LPAR1: variants seen among roughly 807,000 people sequenced by gnomAD.
LPAR1 encodes LPA receptor 1.
A neutral mutation model predicts 23.8 loss-of-function variants in LPAR1; 5 were observed. That is an observed-to-expected ratio of 0.21 (90% CI 0.11 to 0.44). The LOEUF is 0.44. LPAR1 is among the 20% of genes least tolerant of loss of function. LPAR1 has a pLI of 0.99. For missense variants in LPAR1, 311 were observed against 482.8 expected (o/e 0.64, Z 3.33); for synonymous variants, 160 against 164.7 (o/e 0.97, Z 0.22).
chr9:110,945,020 A>G (rs916779058), intron 4 of LPAR1, among the ~76,000 whole-genome samples: 1 of 152,240 alleles, frequency 6.6e-6, no homozygotes, highest in African/African-American at 2.4e-5. Flanking sequence ...TTGGGAGGGT[A>G]TAATATGCCT....
intron 4 of LPAR1, among the ~76,000 whole-genome samples, chr9:110,954,523 C>A (rs1027535311): frequency 6.6e-6 from 1 of 151,968 alleles, no homozygotes; most frequent in Non-Finnish European, 1.5e-5. Context: ...ACATAATAAT[C>A]AAACTATCAA....
chr9:110,937,912 A>G (rs746543184), intron 5 of LPAR1, among the ~76,000 whole-genome samples: 1 of 152,236 alleles, frequency 6.6e-6, no homozygotes, highest in African/African-American at 2.4e-5. Context: ...CATTGTAGCC[A>G]GGAGTTTTCC....
At position 110,942,204 on chromosome 9, in the gene LPAR1, G is replaced by T. The variant is rs147950032; in HGVS notation, c.46-36C>A. The T allele has an allele frequency of 1.0e-4, 161 of 1,559,894 alleles. 1 individual carries two copies. The African/African-American group carries it at 1.2e-3, about 11-fold the overall frequency. On this transcript the variant is annotated intron_variant, in intron 4 of 5. Coordinates refer to ENST00000683809, the MANE Select transcript of LPAR1 (RefSeq NM_001351411.2). ...AAGGAGAAAAGATGATGAAAAAGAA[G>T]GCACAGGTCCAAATTTAAAGCTTAT...
Position 111,022,870 on chromosome 9 carries a change from A to G in LPAR1, c.-182+13252T>C, listed in dbSNP as rs551412485. Among the ~76,000 whole-genome samples, 138 of 151,806 alleles carry G rather than the reference A, an allele frequency of 9.1e-4. 4 individuals carry two copies. The highest frequency in any genetic ancestry group is 7.2e-4 in the African/African-American group (30 of 41,446). On this transcript the variant is annotated intron_variant, in intron 2 of 5. Transcript: ENST00000683809. ...TCGAGACCATCCTGGCTAACACGGT[A>G]AAACCCTGTCTCTACTAAAAATGCA... is the stretch of plus-strand genomic sequence containing the variant.
chr9:110,977,806 AGG>A (rs2096583494), intron 2 of LPAR1, among the ~76,000 whole-genome samples: 2 of 78,540 alleles, frequency 2.5e-5, no homozygotes, highest in Admixed American at 1.3e-4. Flanking sequence ...GAAGGAAGGA[AGG>A]AGGGAGGGAG....
chr9:110,931,116 A>G (rs2094388067), intron 5 of LPAR1, among the ~76,000 whole-genome samples: 1 of 152,168 alleles, frequency 6.6e-6, no homozygotes, highest in African/African-American at 2.4e-5. Context: ...ATTTCATTCA[A>G]TTCAGGGTAT....
intron 5 of LPAR1, among the ~76,000 whole-genome samples, chr9:110,893,674 T>G (rs1226089029): frequency 6.6e-6 from 1 of 152,224 alleles, no homozygotes; most frequent in Non-Finnish European, 1.5e-5. Context: ...TTTCTAAGCC[T>G]GTCCAGGACA....
At chr9:110,917,819 G>C (rs2093312873) in intron 5 of LPAR1, among the ~76,000 whole-genome samples, 1 of 152,082 alleles carries the variant, frequency 6.6e-6, no homozygotes, top group Non-Finnish European at 1.5e-5. Context: ...CATTTTCTTA[G>C]ATTTCTTTTT....
At chr9:110,975,239 C>A (rs182744711) in intron 2 of LPAR1, among the ~76,000 whole-genome samples, 140 of 152,178 alleles carry the variant, frequency 9.2e-4, no homozygotes, top group African/African-American at 2.9e-3. Context: ...ATAGAGGCAC[C>A]TAGCTTAGAG....
chr9:110,980,365 A>G (rs1221318609), intron 2 of LPAR1, among the ~76,000 whole-genome samples: 1 of 152,100 alleles, frequency 6.6e-6, no homozygotes, highest in Non-Finnish European at 1.5e-5. Context: ...TGAAAGTGGT[A>G]GCTCTGGGGA....
chr9:110,954,295 A>T (rs1002098774), intron 4 of LPAR1, among the ~76,000 whole-genome samples: 1 of 152,220 alleles, frequency 6.6e-6, no homozygotes, highest in African/African-American at 2.4e-5. Context: ...TAAAAAAAGA[A>T]TGAACAAAGC....
intron 4 of LPAR1, among the ~76,000 whole-genome samples, chr9:110,949,528 T>C (rs1588488511): frequency 6.6e-6 from 1 of 152,322 alleles, no homozygotes. Context: ...GTGCCTCCAC[T>C]CCCATCTTAC....
At chr9:111,014,166 C>G (rs899481162) in intron 2 of LPAR1, among the ~76,000 whole-genome samples, 1 of 152,126 alleles carries the variant, frequency 6.6e-6, no homozygotes, top group African/African-American at 2.4e-5. Context: ...CCAATCTGCC[C>G]TTTGACACCA....
chr9:110,935,839 C>T (rs2094674292), intron 5 of LPAR1, among the ~76,000 whole-genome samples: 1 of 152,244 alleles, frequency 6.6e-6, no homozygotes, highest in Admixed American at 6.5e-5. Context: ...GGGAACCCTT[C>T]ATCGTCTCCC....
intron 2 of LPAR1, among the ~76,000 whole-genome samples, chr9:111,013,404 C>A (rs1415557177): frequency 1.3e-5 from 2 of 152,136 alleles, no homozygotes; most frequent in Non-Finnish European, 2.9e-5. Flanking sequence ...TTAATGTTAC[C>A]TTAAAAAGAA....
chr9:110,966,129 G>C (rs2096211258), intron 4 of LPAR1, among the ~76,000 whole-genome samples: 1 of 152,096 alleles, frequency 6.6e-6, no homozygotes, highest in African/African-American at 2.4e-5. Context: ...CTGTCTGGGA[G>C]TGGGGGAAAA....
intron 2 of LPAR1, among the ~76,000 whole-genome samples, chr9:111,003,677 G>A (rs1306524674): frequency 1.3e-5 from 2 of 152,112 alleles, no homozygotes; most frequent in Non-Finnish European, 2.9e-5. Flanking sequence ...AGTCACCCAT[G>A]AGCCAATGCA....
intron 4 of LPAR1, among the ~76,000 whole-genome samples, chr9:110,970,098 T>C (rs2096367427): frequency 6.6e-6 from 1 of 152,210 alleles, no homozygotes; most frequent in Non-Finnish European, 1.5e-5. Context: ...TTTAATTAAA[T>C]GAGTCATTTA....
At chr9:110,943,682 A>C (rs772603723) in intron 4 of LPAR1, among the ~76,000 whole-genome samples, 23 of 152,146 alleles carry the variant, frequency 1.5e-4, no homozygotes, top group Admixed American at 2.6e-4. Flanking sequence ...CAACATGGTG[A>C]AACCCCCTCT....
Sources: allele counts gnomAD v4.1 joint callset (sites outside exome capture counted in the v4.1 genomes callset), GRCh38; gene constraint gnomAD v4.1.1; transcripts MANE v1.5; gene names NCBI Gene and HGNC (gene_info 2026-07-23, HGNC 2026-07-21).